Variants in TNXB observed in about 807,000 individuals in gnomAD.
TNXB encodes tenascin-X.
In TNXB, 183 loss-of-function variants were observed where a neutral mutation model predicts 340.5. The observed-to-expected ratio is 0.54, with a 90% CI of 0.48 to 0.61. The LOEUF is 0.61. Among genes scored for constraint, TNXB ranks in the 20% least tolerant of loss-of-function variants. The pLI is 0.00. For synonymous variants in TNXB, 2,121 were observed against 2,314.5 expected (o/e 0.92, Z 2.40); for missense variants, 4,613 against 5,446.4 (o/e 0.85, Z 4.82).
In TNXB at chr6:32,047,612, C is replaced by T. The variant is rs1261389636; in HGVS notation, c.10324+122G>A. Reference sequence around the variant, plus strand: ...CCTGACACACAGAGGGACTCACTTTCGGAGTTAAGATGGTTGTGTCAGGGC... The same window carrying T: ...CCTGACACACAGAGGGACTCACTTTTGGAGTTAAGATGGTTGTGTCAGGGC... On this transcript the variant is annotated intron_variant, in intron 30 of 43. Coordinates refer to ENST00000644971, the MANE Select transcript of TNXB (RefSeq NM_001365276.2). This position sits in a 1 kb window ranked among gnomAD's most constrained non-coding sequence, Gnocchi z 6.2. 67 of 1,157,950 alleles carry T rather than the reference C, an allele frequency of 5.8e-5. No homozygotes were observed. Among genetic ancestry groups the T allele is most frequent in the Non-Finnish European group, 7.4e-5 (63 of 847,152 alleles). 71.7% of individuals were successfully genotyped at this position (1,157,950 alleles called of 1,614,324 possible).
chr6:32,092,351 G>A (rs774294031), intron 4 of TNXB, among the ~76,000 whole-genome samples: 1 of 152,206 alleles, frequency 6.6e-6, no homozygotes, highest in Non-Finnish European at 1.5e-5. Flanking sequence ...TTCTTCTTCT[G>A]CATTCTGAAA....
intron 24 of TNXB, among the ~76,000 whole-genome samples, chr6:32,055,296 C>T (rs544938517): frequency 5.7e-4 from 87 of 152,300 alleles, no homozygotes; most frequent in African/African-American, 1.9e-3. Context: ...TAATTCCATC[C>T]ATTCAATTTT....
rs1245220147 is a variant in TNXB, at chr6:32,047,496, C to A, written c.10324+238G>T. 6.6e-6 allele frequency among the ~76,000 whole-genome samples: 1 copy of A among 152,210 alleles called. No individual in the cohort carries two copies. Among genetic ancestry groups the A allele is most frequent in the Non-Finnish European group, 1.5e-5 (1 of 68,030 alleles). On this transcript the variant is annotated intron_variant, in intron 30 of 43. Coordinates refer to ENST00000644971, the MANE Select transcript of TNXB (RefSeq NM_001365276.2). The surrounding 1 kb of genome is among the most constrained non-coding windows in gnomAD (Gnocchi z 6.2). ...GCAAAGGCTAGGACTGGAACTGGAACACAGATCTGCTGGCCCCAAAGCCCG... is the reference window on the plus strand; with the variant it reads ...GCAAAGGCTAGGACTGGAACTGGAAAACAGATCTGCTGGCCCCAAAGCCCG...
intron 4 of TNXB, among the ~76,000 whole-genome samples, chr6:32,091,648 AT>A (rs1780081697): frequency 6.6e-6 from 1 of 151,334 alleles, no homozygotes; most frequent in African/African-American, 2.4e-5. Context: ...CTAATTTTGT[AT>A]TTTTAGTAGA....
Position 32,062,433 on chromosome 6 carries a change from G to A in TNXB, c.6892C>T (p.Pro2298Ser). Reference sequence around the variant, plus strand: ...AGGCGAGGCTTGATGGGGGGTTCAGGGGTGGGAGGTTCTGTCGAGGCTGGG... The same window carrying A: ...AGGCGAGGCTTGATGGGGGGTTCAGAGGTGGGAGGTTCTGTCGAGGCTGGG... ...MAPASTEPPTPEPPIKPRLEE... is the reference protein window; with the variant it reads ...MAPASTEPPTSEPPIKPRLEE... The change falls in exon 20 of 44, where the codon CCT becomes TCT. Residue 2298 changes from proline (P) to serine (S), a missense_variant. This residue lies in a region of TNXB where 4,327 missense variants were observed against 4,859.4 expected (regional missense o/e 0.89). Coordinates refer to ENST00000644971, the MANE Select transcript of TNXB (RefSeq NM_001365276.2). This position sits in a 1 kb window ranked among gnomAD's most constrained non-coding sequence, Gnocchi z 4.3. 6.2e-7 allele frequency: 1 copy of A among 1,612,222 alleles called. No homozygotes were observed. Among genetic ancestry groups the A allele is most frequent in the Admixed American group, 1.7e-5 (1 of 60,002 alleles).
intron 25 of TNXB, 91 bp downstream of exon 25, chr6:32,053,297 G>A: frequency 6.5e-7 from 1 of 1,526,728 alleles, no homozygotes; most frequent in Non-Finnish European, 8.8e-7. Context: ...TCAGCCAAGA[G>A]CAGAGGGGCT....
In TNXB at chr6:32,049,594, T is replaced by C. The variant is rs1777138459; in HGVS notation, c.9440-7A>G. 12 of 1,605,660 alleles carry C rather than the reference T, an allele frequency of 7.5e-6. No individual in the cohort carries two copies. The highest frequency in any genetic ancestry group is 1.3e-5 in the African/African-American group (1 of 74,088). On this transcript the variant is annotated splice_region_variant and splice_polypyrimidine_tract_variant and intron_variant, in intron 27 of 43. Transcript: ENST00000644971. This position sits in a 1 kb window ranked among gnomAD's most constrained non-coding sequence, Gnocchi z 4.5. The stretch of plus-strand genomic sequence containing the variant: ...GGGCTGGGGGTCTCTTCCTCTGCAG[T>C]GGAGAAGGAGGGAGAGAGAGTGAGG...
At position 32,083,807 on chromosome 6, in the gene TNXB, C is replaced by T. The variant is rs946368906; in HGVS notation, c.3445+606G>A. Among the ~76,000 whole-genome samples the T allele has an allele frequency of 1.3e-5, 2 of 152,028 alleles. No homozygotes were observed. The highest frequency in any genetic ancestry group is 2.9e-5 in the Non-Finnish European group (2 of 68,000). ...TCTCAAGTAGCTGGGACTACAGGCA[C>T]GCACCACCACGCCTGGCTAATATCT... On this transcript the variant is annotated intron_variant, in intron 8 of 43. Coordinates refer to ENST00000644971, the MANE Select transcript of TNXB (RefSeq NM_001365276.2). This position sits in a 1 kb window ranked among gnomAD's most constrained non-coding sequence, Gnocchi z 4.6.
In TNXB at chr6:32,049,418, C is replaced by T. The variant is rs754158921; in HGVS notation, c.9609G>A (p.Arg3203=). 5.0e-6 allele frequency: 8 copies of T among 1,612,702 alleles called. No homozygotes were observed. In the East Asian group the frequency reaches 1.3e-4, roughly 27 times the overall value. Residue 3203 remains arginine (R), a synonymous_variant, in exon 28 of 44, where the codon AGG becomes AGA. Coordinates refer to ENST00000644971, the MANE Select transcript of TNXB (RefSeq NM_001365276.2). This position sits in a 1 kb window ranked among gnomAD's most constrained non-coding sequence, Gnocchi z 4.5. ...CACGCACCACCTGGGGCTGCCCGTC[C>T]CTGTCCTTGTACTGCACGGTGAAGG... ...FDSFTVQYKD[R]DGQPQVVRVR... is the part of the protein sequence containing the mutation.
Position 32,081,948 on chromosome 6 carries a change from T to C in TNXB, c.3736+88A>G. ...GGGAAGCTGGAGTCAGCTGTCTTGCTGGGGGACCCCAGCTGGTTTTGGGCT... is the reference window on the plus strand; with the variant it reads ...GGGAAGCTGGAGTCAGCTGTCTTGCCGGGGGACCCCAGCTGGTTTTGGGCT... On this transcript the variant is annotated intron_variant, in intron 9 of 43. Coordinates refer to ENST00000644971, the MANE Select transcript of TNXB (RefSeq NM_001365276.2). This position sits in a 1 kb window ranked among gnomAD's most constrained non-coding sequence, Gnocchi z 5.1. 1 of 1,361,152 alleles carries C rather than the reference T, an allele frequency of 7.3e-7. No individual in the cohort carries two copies. The highest frequency in any genetic ancestry group is 2.5e-5 in the East Asian group (1 of 40,006). The allele number at this position is 1,361,152 out of a possible 1,614,324, so 84.3% of individuals were successfully genotyped here.
rs1780845935 is a variant in TNXB at position 32,103,830 on chromosome 6, C to T, written c.-9+5351G>A. On this transcript the variant is annotated intron_variant, in intron 1 of 43. Coordinates refer to ENST00000644971, the MANE Select transcript of TNXB (RefSeq NM_001365276.2). The stretch of plus-strand genomic sequence containing the variant: ...AATGCAACCTCTGCCTCCTGGGGTT[C>T]AAGTGATTCTCCTGCCTCAGCCTCC... 3.4e-5 allele frequency among the ~76,000 whole-genome samples: 5 copies of T among 148,544 alleles called. No individual in the cohort carries two copies. In the Admixed American group the frequency reaches 3.4e-4, roughly 10 times the overall value.
At position 32,069,973 on chromosome 6, in the gene TNXB, C is replaced by A; in HGVS notation, c.5279-112G>T. ...CAGGGCTTTGCGTGGCTGAGTCCTGCCGGGCTGTGCTAGGGGCTTGTGCAG... is the reference window on the plus strand; with the variant it reads ...CAGGGCTTTGCGTGGCTGAGTCCTGACGGGCTGTGCTAGGGGCTTGTGCAG... On this transcript the variant is annotated intron_variant, in intron 14 of 43. Coordinates refer to ENST00000644971, the MANE Select transcript of TNXB (RefSeq NM_001365276.2). The surrounding 1 kb of genome is among the most constrained non-coding windows in gnomAD (Gnocchi z 6.2). 1 of 1,378,536 alleles carries A rather than the reference C, an allele frequency of 7.3e-7. No individual in the cohort carries two copies. The highest frequency in any genetic ancestry group is 9.6e-7 in the Non-Finnish European group (1 of 1,037,424). 85.4% of individuals were successfully genotyped at this position (1,378,536 alleles called of 1,614,324 possible). A position where few individuals can be genotyped will look rare whatever the true frequency, so the allele number is the denominator to read the frequency against.
chr6:32,086,135 T>A lies in TNXB; in HGVS notation c.2780-17A>T. 6.8e-7 allele frequency: 1 copy of A among 1,476,742 alleles called. No individual in the cohort carries two copies. Among genetic ancestry groups the A allele is most frequent in the Non-Finnish European group, 9.0e-7 (1 of 1,111,844 alleles). The allele number at this position is 1,476,742 out of a possible 1,614,324, so 91.5% of individuals were successfully genotyped here. A position where few individuals can be genotyped will look rare whatever the true frequency, so the allele number is the denominator to read the frequency against. On this transcript the variant is annotated splice_polypyrimidine_tract_variant and intron_variant, in intron 6 of 43. Transcript: ENST00000644971. ...GTGAGGACCCTGGGAAGGGGCAGGGTGAGAAAAAGAGGAGAGTCCAGTATG... is the reference window on the plus strand; with the variant it reads ...GTGAGGACCCTGGGAAGGGGCAGGGAGAGAAAAAGAGGAGAGTCCAGTATG...
chr6:32,091,236 G>T (rs1028386866), intron 4 of TNXB, among the ~76,000 whole-genome samples: 6 of 151,356 alleles, frequency 4.0e-5, no homozygotes, highest in African/African-American at 1.2e-4. Context: ...TCAGCCTCCC[G>T]AGTAGCTGGG....
chr6:32,069,177 C>T lies in TNXB; in HGVS notation c.5588-41G>A, dbSNP rs1265380761. 3 of 1,556,892 alleles carry T rather than the reference C, an allele frequency of 1.9e-6. No homozygotes were observed. Among genetic ancestry groups the T allele is most frequent in the Non-Finnish European group, 8.7e-7 (1 of 1,152,632 alleles). ...AGGTAGAGACAGATGGCTGGTGTGTCGCTGCACCCAGACTCTCAGGAGGAG... is the reference window on the plus strand; with the variant it reads ...AGGTAGAGACAGATGGCTGGTGTGTTGCTGCACCCAGACTCTCAGGAGGAG... On this transcript the variant is annotated intron_variant, in intron 15 of 43. Transcript: ENST00000644971. The surrounding 1 kb of genome is among the most constrained non-coding windows in gnomAD (Gnocchi z 6.2).
Position 32,095,160 on chromosome 6 carries a change from A to G in TNXB, c.2274T>C (p.His758=). The G allele has an allele frequency of 6.5e-7, 1 of 1,550,048 alleles. No homozygotes were observed. Among genetic ancestry groups the G allele is most frequent in the Non-Finnish European group, 8.7e-7 (1 of 1,146,334 alleles). Residue 758 remains histidine, a synonymous_variant, in exon 4 of 44, where the codon CAT becomes CAC. Coordinates refer to ENST00000644971, the MANE Select transcript of TNXB (RefSeq NM_001365276.2). The part of the protein sequence containing the change: ...EVPTIEGMRM[H]LLEETTVRTE... ...TCCGAACTGTTGTCTCCTCCAAGAG[A>G]TGCATCCTCATGCCCTCAATGGTTG...
In TNXB at chr6:32,098,182, T is replaced by C. The variant is rs762669404; in HGVS notation, c.17A>G (p.Tyr6Cys). The C allele has an allele frequency of 1.3e-6, 2 of 1,535,124 alleles. No individual in the cohort carries two copies. Among genetic ancestry groups the C allele is most frequent in the Non-Finnish European group, 1.8e-6 (2 of 1,137,662 alleles). ...GAGAACCAGGCTGGAGGTTAGAGCATACTGGGCTGGCATCATTCAGGAGGC... is the reference window on the plus strand; with the variant it reads ...GAGAACCAGGCTGGAGGTTAGAGCACACTGGGCTGGCATCATTCAGGAGGC... Reference protein sequence around the residue: MMPAQYALTSSLVLLV... With the variant: MMPAQCALTSSLVLLV... Residue 6 changes from tyrosine to cysteine, a missense_variant, in exon 2 of 44, where the codon TAT becomes TGT. By Grantham distance (194) the Tyr-to-Cys change is radical. Coordinates refer to ENST00000644971, the MANE Select transcript of TNXB (RefSeq NM_001365276.2).
At chr6:32,048,780 C>T (rs1038341852) in intron 28 of TNXB, 130 bp from the exon 29 acceptor site, 130 of 940,068 alleles carry the variant, frequency 1.4e-4, no homozygotes, top group Non-Finnish European at 1.8e-4. Context: ...AATCTGTGCC[C>T]TGCATTGCTG....
In TNXB at chr6:32,046,179, C is replaced by G; in HGVS notation, c.10602G>C (p.Met3534Ile). The G allele has an allele frequency of 6.3e-7, 1 of 1,581,072 alleles. No homozygotes were observed. The highest frequency in any genetic ancestry group is 8.6e-7 in the Non-Finnish European group (1 of 1,158,116). The change falls in exon 31 of 44, where the codon ATG becomes ATC. Residue 3534 changes from methionine to isoleucine, a missense_variant. This residue lies in a region of TNXB where 4,327 missense variants were observed against 4,859.4 expected (regional missense o/e 0.89). Coordinates refer to ENST00000644971, the MANE Select transcript of TNXB (RefSeq NM_001365276.2). This position sits in a 1 kb window ranked among gnomAD's most constrained non-coding sequence, Gnocchi z 6.9. ...AGCCAGGCACAGCAGCCTCACCTGT[C>G]ATTCCCAGGGCAGAGACCGGGCCCA... ...KRLGPVSALGMTAPEEDTPAP... is the reference protein window; with the variant it reads ...KRLGPVSALGITAPEEDTPAP...
Sources: gnomAD v4.1 joint callset for allele counts (sites outside exome capture counted in the v4.1 genomes callset) on GRCh38, gnomAD v4.1.1 for gene constraint, gnomAD v4.1.1 regional missense constraint, Gnocchi (gnomAD v3.1) non-coding constraint, MANE v1.5 for transcripts, NCBI Gene and HGNC (gene_info 2026-07-23, HGNC 2026-07-21) for gene names.